The following GALNT14 variants were observed in gnomAD, a reference collection of about 807,000 sequenced individuals.
GALNT14 encodes the protein polypeptide N-acetylgalactosaminyltransferase 14, also known as UDP-GalNAc:polypeptide N-acetylgalactosaminyltransferase 14.
A neutral mutation model predicts 77.5 loss-of-function variants in GALNT14; 60 were observed. The observed-to-expected ratio is 0.77, with a 90% CI of 0.63 to 0.96. The LOEUF (loss-of-function observed/expected upper bound fraction) is 0.96, where lower values mean the gene tolerates loss of function less well. Among genes scored for constraint, GALNT14 ranks in the 40% least tolerant of loss-of-function variants. The pLI is 0.00. For synonymous variants in GALNT14, 280 were observed against 281.7 expected (o/e 0.99, Z 0.06); for missense variants, 710 against 731.0 (o/e 0.97, Z 0.33).
At chr2:30,889,300 T>C in the GALNT14 span, among the ~76,000 whole-genome samples, 162 of 152,330 alleles carry the variant, frequency 1.1e-3, 1 homozygote, top group East Asian at 0.018. Flanking sequence ...GGTGTTTAAC[T>C]GAATAGCAGG....
At chr2:30,903,787 T>C in the GALNT14 span, among the ~76,000 whole-genome samples, 1 of 152,242 alleles carries the variant, frequency 6.6e-6, no homozygotes, top group Admixed American at 6.5e-5. Context: ...TCATTTGTTA[T>C]GCAGCAGTGG....
chr2:31,057,452 A>G (rs1057155778), intron 1 of GALNT14, among the ~76,000 whole-genome samples: 2 of 146,014 alleles, frequency 1.4e-5, no homozygotes, highest in African/African-American at 2.5e-5. Flanking sequence ...TGTTGCAGGT[A>G]TATATATATA....
intron 1 of GALNT14, among the ~76,000 whole-genome samples, chr2:31,035,382 T>C (rs903440717): frequency 6.6e-6 from 1 of 151,954 alleles, no homozygotes; most frequent in Non-Finnish European, 1.5e-5. Flanking sequence ...TCTTAAAGTC[T>C]ATTCTGTGCA....
chr2:30,899,740 T>C, the GALNT14 span, among the ~76,000 whole-genome samples: 4 of 152,226 alleles, frequency 2.6e-5, no homozygotes, highest in African/African-American at 9.6e-5. Context: ...GACGGCTTCA[T>C]TAAATTAGTC....
At chr2:30,917,120 G>A (rs929050746) in intron 13 of GALNT14, among the ~76,000 whole-genome samples, 3 of 148,046 alleles carry the variant, frequency 2.0e-5, no homozygotes, top group Admixed American at 1.4e-4. Flanking sequence ...CAGGAGTGAG[G>A]ACGAGCCTGG....
intron 1 of GALNT14, among the ~76,000 whole-genome samples, chr2:31,057,409 G>GTA (rs376361271): frequency 0.021 from 2,646 of 124,990 alleles, 64 homozygotes; most frequent in African/African-American, 0.059. Flanking sequence ...GCTGTTGCAG[G>GTA]TATATATATA....
chr2:30,989,423 T>G (rs1669516911), intron 2 of GALNT14, among the ~76,000 whole-genome samples: 1 of 151,634 alleles, frequency 6.6e-6, no homozygotes, highest in Admixed American at 6.6e-5. Context: ...TTGCATCTCT[T>G]GCCTGATCAT....
chr2:30,955,329 C>T (rs1667296346), intron 6 of GALNT14, among the ~76,000 whole-genome samples: 1 of 152,172 alleles, frequency 6.6e-6, no homozygotes, highest in African/African-American at 2.4e-5. Flanking sequence ...GCAGTTCATT[C>T]CTGCCCAGGA....
intron 3 of GALNT14, among the ~76,000 whole-genome samples, chr2:30,962,478 C>T (rs528336458): frequency 5.3e-5 from 8 of 152,334 alleles, no homozygotes; most frequent in African/African-American, 1.4e-4. Flanking sequence ...GGAGGGGTGG[C>T]GGTGAAGGAT....
In GALNT14 at chr2:30,958,447, G is replaced by C; in HGVS notation, c.416C>G (p.Pro139Arg). Residue 139 changes from proline to arginine, a missense_variant, in exon 4 of 15, where the codon CCT becomes CGT. Pro to Arg is a moderately radical substitution (Grantham distance 103). Transcript: ENST00000349752. ...TATGATTTCCCGGATCAGATGCGTA[G>C]GGGTGCGGTTTAATACACTGCAAGA... Reference protein sequence around the residue: ...RTIRSVLNRTPTHLIREIILV... With the variant: ...RTIRSVLNRTRTHLIREIILV... 1 of 1,614,044 alleles carries C rather than the reference G, an allele frequency of 6.2e-7. No homozygotes were observed. The highest frequency in any genetic ancestry group is 1.6e-4 in the Middle Eastern group (1 of 6,062).
chr2:30,893,361 G>T, the GALNT14 span, among the ~76,000 whole-genome samples: 1 of 152,110 alleles, frequency 6.6e-6, no homozygotes, highest in African/African-American at 2.4e-5. Flanking sequence ...AAGCATGAAA[G>T]ATAGAAAACT....
intron 1 of GALNT14, among the ~76,000 whole-genome samples, chr2:31,107,145 T>A (rs11894327): frequency 0.014 from 2,085 of 152,302 alleles, 39 homozygotes; most frequent in African/African-American, 0.048. Context: ...TTTCTTGCAG[T>A]TAGGTGTCTT....
the GALNT14 span, among the ~76,000 whole-genome samples, chr2:30,902,706 C>T: frequency 6.6e-6 from 1 of 152,124 alleles, no homozygotes; most frequent in African/African-American, 2.4e-5. Context: ...TTCAATCATC[C>T]ATTTAGGAAA....
chr2:31,048,373 C>T (rs1206782121), intron 1 of GALNT14, among the ~76,000 whole-genome samples: 1 of 152,174 alleles, frequency 6.6e-6, no homozygotes, highest in African/African-American at 2.4e-5. Flanking sequence ...GCCACTTCTC[C>T]CCATGAGGAG....
At chr2:31,024,314 C>T (rs1671911336) in intron 1 of GALNT14, among the ~76,000 whole-genome samples, 1 of 152,156 alleles carries the variant, frequency 6.6e-6, no homozygotes, top group African/African-American at 2.4e-5. Flanking sequence ...GATCACATCA[C>T]ATCTTGGCTC....
At chr2:30,963,216 G>A (rs369293014) in intron 3 of GALNT14, among the ~76,000 whole-genome samples, 1 of 152,162 alleles carries the variant, frequency 6.6e-6, no homozygotes, top group Non-Finnish European at 1.5e-5. Flanking sequence ...CCCTCCCAGA[G>A]TGCAGGGTTC....
At chr2:30,947,551 A>G (rs1666775239) in intron 6 of GALNT14, among the ~76,000 whole-genome samples, 1 of 152,180 alleles carries the variant, frequency 6.6e-6, no homozygotes, top group Non-Finnish European at 1.5e-5. Flanking sequence ...TTGCCCAGAG[A>G]GGTGTCAAAG....
chr2:31,035,615 ACC>A lies in GALNT14; in HGVS notation c.130-42610_130-42609del, dbSNP rs1491289824. On this transcript the variant is annotated intron_variant, in intron 1 of 14. Coordinates refer to ENST00000349752, the MANE Select transcript of GALNT14 (RefSeq NM_024572.4). The stretch of plus-strand genomic sequence containing the variant: ...CATATACATATACACACACACACAC[ACC>A]TACACACACACACACACACACACAC... 4.6e-3 allele frequency among the ~76,000 whole-genome samples: 184 copies of A among 40,168 alleles called. 6 individuals are homozygous for A. In the East Asian group the frequency reaches 0.049, roughly 11 times the overall value. The allele number at this position is 40,168 out of a possible 152,430, so 26.4% of individuals were successfully genotyped here.
intron 13 of GALNT14, among the ~76,000 whole-genome samples, chr2:30,923,084 T>TTTTTAGTAGAGACA (rs1665135266): frequency 2.6e-5 from 3 of 117,466 alleles, no homozygotes; most frequent in African/African-American, 1.1e-4. Flanking sequence ...TTTTTTGAAA[T>TTTTTAGTAGAGACA]GGAGTTTCAC....
Sources: allele counts gnomAD v4.1 joint callset (sites outside exome capture counted in the v4.1 genomes callset), GRCh38; gene constraint gnomAD v4.1.1; transcripts MANE v1.5; gene names NCBI Gene and HGNC (gene_info 2026-07-23, HGNC 2026-07-21).